Variants in PRR16 observed in about 807,000 individuals in gnomAD.
PRR16 encodes proline rich 16, also known as protein Largen.
PRR16 carries 6 observed loss-of-function variants against 18.2 expected under a neutral mutation model. The ratio of observed to expected loss-of-function variants is 0.33; its 90% CI spans 0.18 to 0.65. The LOEUF is 0.65. Ranked by LOEUF, PRR16 falls within the 30% of genes least tolerant of loss-of-function variation. PRR16 has a pLI of 0.74. For missense variants in PRR16, 412 were observed against 376.6 expected, an observed-to-expected ratio of 1.09 and a Z score of -0.78; for synonymous variants, 151 against 147.8, an observed-to-expected ratio of 1.02 and a Z score of -0.16.
At chr5:120,627,392 T>C (rs895302016) in intron 1 of PRR16, among the ~76,000 whole-genome samples, 2 of 152,096 alleles carry the variant, frequency 1.3e-5, no homozygotes, top group Non-Finnish European at 2.9e-5. Flanking sequence ...AACAGTTATA[T>C]TACTATCATA....
At chr5:120,791,162 G>T in the PRR16 span, among the ~76,000 whole-genome samples, 1 of 152,082 alleles carries the variant, frequency 6.6e-6, no homozygotes, top group Non-Finnish European at 1.5e-5. Context: ...TCTGTTGTTT[G>T]TATTGTTTGT....
intron 1 of PRR16, among the ~76,000 whole-genome samples, chr5:120,616,143 A>G (rs912041096): frequency 1.3e-5 from 2 of 152,140 alleles, no homozygotes; most frequent in African/African-American, 4.8e-5. Flanking sequence ...GTAGTGCTCT[A>G]CAAGTAGCTA....
chr5:120,551,958 T>G (rs1752267456), intron 1 of PRR16, among the ~76,000 whole-genome samples: 1 of 151,994 alleles, frequency 6.6e-6, no homozygotes, highest in African/African-American at 2.4e-5. Context: ...CTCATGGACT[T>G]ACTTTCTCAT....
At chr5:120,621,303 A>G (rs577243483) in intron 1 of PRR16, among the ~76,000 whole-genome samples, 2 of 151,852 alleles carry the variant, frequency 1.3e-5, no homozygotes, top group Admixed American at 1.3e-4. Flanking sequence ...TGCCATTGCC[A>G]CCTGGGCTTC....
intron 1 of PRR16, among the ~76,000 whole-genome samples, chr5:120,546,975 G>A (rs183257254): frequency 2.0e-5 from 3 of 152,070 alleles, no homozygotes; most frequent in African/African-American, 7.2e-5. Flanking sequence ...TTAAGAGAAG[G>A]TCATTTAGAA....
chr5:120,591,454 G>A (rs931618774), intron 1 of PRR16, among the ~76,000 whole-genome samples: 1 of 151,624 alleles, frequency 6.6e-6, no homozygotes, highest in African/African-American at 2.4e-5. Context: ...TTTATAAAGG[G>A]ATATAATCCT....
the PRR16 span, among the ~76,000 whole-genome samples, chr5:120,709,505 C>A: frequency 1.3e-5 from 2 of 151,978 alleles, no homozygotes; most frequent in African/African-American, 4.8e-5. Context: ...CATTCTAGAT[C>A]TTCCAGTTTT....
chr5:120,712,087 CT>C, the PRR16 span, among the ~76,000 whole-genome samples: 16 of 152,144 alleles, frequency 1.1e-4, no homozygotes, highest in Non-Finnish European at 1.8e-4. Context: ...TAAATTCAGA[CT>C]TTTTTTATCA....
chr5:120,618,083 T>C (rs1221418748), intron 1 of PRR16, among the ~76,000 whole-genome samples: 2 of 152,134 alleles, frequency 1.3e-5, no homozygotes. Context: ...TTGTGTTAAA[T>C]ATGGATACCA....
chr5:120,735,280 G>T, the PRR16 span, among the ~76,000 whole-genome samples: 2 of 152,120 alleles, frequency 1.3e-5, no homozygotes, highest in Non-Finnish European at 2.9e-5. Flanking sequence ...CATGTGTGTT[G>T]CTTCCACCTC....
intron 1 of PRR16, among the ~76,000 whole-genome samples, chr5:120,667,652 G>C (rs1229685098): frequency 1.3e-5 from 2 of 151,354 alleles, no homozygotes. Context: ...CTGGTATGTT[G>C]TGTCTTTGTT....
intron 1 of PRR16, chr5:120,618,548 T>A: frequency 1.1e-6 from 1 of 950,490 alleles, no homozygotes; most frequent in Non-Finnish European, 1.3e-6. Context: ...ATCTTCTCAA[T>A]CAAATTCTAC....
chr5:120,632,213 G>A (rs1317198675), intron 1 of PRR16, among the ~76,000 whole-genome samples: 6 of 152,178 alleles, frequency 3.9e-5, no homozygotes, highest in Non-Finnish European at 5.9e-5. Flanking sequence ...GGAGCACTCT[G>A]TGGAACAAAA....
At chr5:120,682,238 G>C (rs1040906459) in intron 1 of PRR16, among the ~76,000 whole-genome samples, 1 of 152,158 alleles carries the variant, frequency 6.6e-6, no homozygotes, top group Non-Finnish European at 1.5e-5. Context: ...TCTTCTGCCA[G>C]TAAGCTCCAA....
the PRR16 span, among the ~76,000 whole-genome samples, chr5:120,780,508 A>AT: frequency 6.6e-6 from 1 of 152,040 alleles, no homozygotes; most frequent in East Asian, 1.9e-4. Context: ...ACGGAAAAAC[A>AT]TTTTCGTTTT....
At chr5:120,669,953 G>T (rs558935022) in intron 1 of PRR16, among the ~76,000 whole-genome samples, 5 of 151,912 alleles carry the variant, frequency 3.3e-5, no homozygotes, top group South Asian at 2.1e-4. Flanking sequence ...GACTACCAAA[G>T]GTTTTAGGGT....
intron 1 of PRR16, among the ~76,000 whole-genome samples, chr5:120,570,216 A>G (rs959169219): frequency 2.6e-5 from 4 of 152,160 alleles, no homozygotes; most frequent in African/African-American, 9.7e-5. Flanking sequence ...TTACCTAGCT[A>G]TCCCTGAACC....
At position 120,650,887 on chromosome 5, in the gene PRR16, C is replaced by T. The variant is rs571091899; in HGVS notation, c.160-35067C>T. ...CAAATGGTATTTCTAGTTCTAGATCCCTGAGGAATCGCCACACTGACTTCC... is the reference window on the plus strand; with the variant it reads ...CAAATGGTATTTCTAGTTCTAGATCTCTGAGGAATCGCCACACTGACTTCC... On this transcript the variant is annotated intron_variant, in intron 1 of 1. Transcript: ENST00000407149. 3.7e-4 allele frequency among the ~76,000 whole-genome samples: 57 copies of T among 152,120 alleles called. No individual in the cohort carries two copies. The East Asian group carries it at 0.011, about 29-fold the overall frequency.
the PRR16 span, among the ~76,000 whole-genome samples, chr5:120,748,918 A>T: frequency 6.6e-6 from 1 of 152,234 alleles, no homozygotes; most frequent in Admixed American, 6.5e-5. Context: ...TCAGAGTGAT[A>T]TTTTGTTGTT....
Sources: gnomAD v4.1 joint callset for allele counts (sites outside exome capture counted in the v4.1 genomes callset) on GRCh38, gnomAD v4.1.1 for gene constraint, MANE v1.5 for transcripts, NCBI Gene and HGNC (gene_info 2026-07-23, HGNC 2026-07-21) for gene names.